The following SGCD variants were observed in gnomAD, a reference collection of about 807,000 sequenced individuals.
SGCD encodes the protein sarcoglycan delta.
A neutral mutation model predicts 36.6 loss-of-function variants in SGCD; 18 were observed. That is an observed-to-expected ratio of 0.49 (90% CI 0.34 to 0.73). The LOEUF (loss-of-function observed/expected upper bound fraction) is 0.73, where lower values mean the gene tolerates loss of function less well. Ranked by LOEUF, SGCD falls within the 30% of genes least tolerant of loss-of-function variation. The pLI, the probability that SGCD is intolerant of heterozygous loss-of-function variation, is 0.01. For missense variants in SGCD, 387 were observed against 346.7 expected (o/e 1.12, Z -0.92); for synonymous variants, 133 against 130.6 (o/e 1.02, Z -0.12).
At chr5:155,949,400 T>C (rs541651694) in intron 1 of SGCD, among the ~76,000 whole-genome samples, 95 of 152,346 alleles carry the variant, frequency 6.2e-4, no homozygotes, top group African/African-American at 2.2e-3. Flanking sequence ...GTTTTCATGA[T>C]TAAATTATTT....
chr5:155,853,700 A>G, the SGCD span, among the ~76,000 whole-genome samples: 1 of 152,200 alleles, frequency 6.6e-6, no homozygotes, highest in Non-Finnish European at 1.5e-5. Context: ...GGGATTGCTA[A>G]TGAAAACAAA....
intron 1 of SGCD, among the ~76,000 whole-genome samples, chr5:156,032,706 C>CA (rs1171072619): frequency 0.055 from 831 of 15,042 alleles, 212 homozygotes; most frequent in Non-Finnish European, 0.093. Flanking sequence ...GACTCCGTCT[C>CA]AAAAAAAAAA....
chr5:156,748,927 G>A (rs1757046821), intron 7 of SGCD, among the ~76,000 whole-genome samples: 1 of 152,028 alleles, frequency 6.6e-6, no homozygotes, highest in African/African-American at 2.4e-5. Context: ...ACCATGCTCA[G>A]CTAATTTTTG....
At position 156,245,979 on chromosome 5, in the gene SGCD, A is replaced by G. The variant is rs187802547; in HGVS notation, c.-43-83555A>G. Among the ~76,000 whole-genome samples, 10 of 152,284 alleles carry G rather than the reference A, an allele frequency of 6.6e-5. No homozygotes were observed. In the East Asian group the frequency reaches 1.9e-3, roughly 29 times the overall value. On this transcript the variant is annotated intron_variant, in intron 3 of 9. Coordinates refer to the SGCD transcript ENST00000517913. ...GATATTGAGCAATTAAGCTTGAGGG[A>G]AAATGCAAACTATACATACAACCAC...
intron 1 of SGCD, among the ~76,000 whole-genome samples, chr5:156,030,014 A>G (rs1759311032): frequency 1.3e-5 from 2 of 152,078 alleles, no homozygotes; most frequent in Non-Finnish European, 2.9e-5. Context: ...TGAATGGACC[A>G]TGTCACATAA....
intron 3 of SGCD, among the ~76,000 whole-genome samples, chr5:156,435,604 G>A (rs559955494): frequency 6.6e-5 from 10 of 152,208 alleles, no homozygotes; most frequent in African/African-American, 9.6e-5. Context: ...TTCTGTATCC[G>A]CTCTTGAATA....
chr5:156,490,993 C>T (rs1386483614), intron 3 of SGCD, among the ~76,000 whole-genome samples: 3 of 151,872 alleles, frequency 2.0e-5, no homozygotes, highest in East Asian at 1.9e-4. Flanking sequence ...AAATGACAAA[C>T]GAATTCAGTA....
intron 1 of SGCD, among the ~76,000 whole-genome samples, chr5:156,017,875 T>G (rs1759018216): frequency 1.3e-5 from 2 of 152,190 alleles, no homozygotes; most frequent in Non-Finnish European, 2.9e-5. Flanking sequence ...AAATTAATGT[T>G]AAAGTCAGAT....
At chr5:155,943,544 TA>T (rs993159794) in intron 1 of SGCD, among the ~76,000 whole-genome samples, 1 of 152,182 alleles carries the variant, frequency 6.6e-6, no homozygotes, top group African/African-American at 2.4e-5. Context: ...TAACTAATTT[TA>T]AAAATTAAAT....
chr5:156,688,186 T>C (rs1036596157), intron 7 of SGCD, among the ~76,000 whole-genome samples: 1 of 152,172 alleles, frequency 6.6e-6, no homozygotes, highest in African/African-American at 2.4e-5. Flanking sequence ...ATCCTTTAGT[T>C]ATTTTTCCTG....
At chr5:156,697,771 G>A (rs753339400) in intron 7 of SGCD, among the ~76,000 whole-genome samples, 27 of 151,970 alleles carry the variant, frequency 1.8e-4, no homozygotes, top group Non-Finnish European at 3.7e-4. Flanking sequence ...ATGGATGGAT[G>A]GATGGATGGA....
At chr5:156,709,092 GGT>G (rs1414308761) in intron 7 of SGCD, among the ~76,000 whole-genome samples, 1 of 152,120 alleles carries the variant, frequency 6.6e-6, no homozygotes, top group African/African-American at 2.4e-5. Context: ...AGACAAAAAA[GGT>G]GAAGATAGAG....
intron 3 of SGCD, among the ~76,000 whole-genome samples, chr5:156,360,481 CAG>C: frequency 6.6e-6 from 1 of 152,188 alleles, no homozygotes; most frequent in East Asian, 1.9e-4. Flanking sequence ...CTCCTGACCT[CAG>C]GTGATCTGCC....
At position 156,418,002 on chromosome 5, in the gene SGCD, A is replaced by G. The variant is rs145028909; in HGVS notation, c.192+73325A>G. On this transcript the variant is annotated intron_variant, in intron 3 of 8. Transcript: ENST00000337851. ...GATGGTTTGGGTGACTTTCTTATCCATTGTCTTGTCAACCATAAAAGGTAT... is the reference window on the plus strand; with the variant it reads ...GATGGTTTGGGTGACTTTCTTATCCGTTGTCTTGTCAACCATAAAAGGTAT... 3.2e-3 allele frequency among the ~76,000 whole-genome samples: 488 copies of G among 152,256 alleles called. 2 individuals are homozygous for G. Among genetic ancestry groups the G allele is most frequent in the Middle Eastern group, 0.014 (4 of 294 alleles).
At chr5:156,331,042 C>A (rs1045989186) in intron 2 of SGCD, among the ~76,000 whole-genome samples, 3 of 152,092 alleles carry the variant, frequency 2.0e-5, no homozygotes, top group African/African-American at 7.2e-5. Context: ...TATATTAATA[C>A]ATATAGTTAA....
chr5:156,339,258 T>C (rs1375586093), intron 2 of SGCD, among the ~76,000 whole-genome samples: 2 of 152,230 alleles, frequency 1.3e-5, no homozygotes, highest in African/African-American at 2.4e-5. Flanking sequence ...TCCTCTTACA[T>C]TTTGTGTGCA....
chr5:156,361,648 C>A (rs1418051825), intron 3 of SGCD, among the ~76,000 whole-genome samples: 1 of 152,122 alleles, frequency 6.6e-6, no homozygotes, highest in African/African-American at 2.4e-5. Flanking sequence ...AAAGGAATGA[C>A]TAATAGAGTC....
chr5:155,992,187 ACTCAGATAGATATAGAC>A (rs1758444926), intron 1 of SGCD, among the ~76,000 whole-genome samples: 1 of 152,162 alleles, frequency 6.6e-6, no homozygotes, highest in Non-Finnish European at 1.5e-5. Flanking sequence ...AAGCAAACTG[ACTCAGATAGATATAGAC>A]CTCTTGAAAC....
chr5:156,669,901 A>G (rs1010445019), intron 7 of SGCD, among the ~76,000 whole-genome samples: 3 of 152,002 alleles, frequency 2.0e-5, no homozygotes, highest in Non-Finnish European at 4.4e-5. Context: ...GTATTGGGGG[A>G]AATGTCTTGA....
Sources: gnomAD v4.1 joint callset for allele counts (sites outside exome capture counted in the v4.1 genomes callset) on GRCh38, gnomAD v4.1.1 for gene constraint, MANE v1.5 for transcripts, NCBI Gene and HGNC (gene_info 2026-07-23, HGNC 2026-07-21) for gene names.